Variants in TPM2 observed in about 807,000 individuals in gnomAD.
The protein encoded by TPM2 is tropomyosin beta chain.
Under a neutral mutation model 41.0 loss-of-function variants are expected in TPM2, and 26 were observed. That is an observed-to-expected ratio of 0.63 (90% confidence interval 0.46 to 0.88). The LOEUF (loss-of-function observed/expected upper bound fraction) is 0.88, where lower values mean the gene tolerates loss of function less well. Ranked by LOEUF, TPM2 falls within the 40% of genes least tolerant of loss-of-function variation. TPM2 has a pLI of 0.00. For synonymous variants in TPM2, 143 were observed against 139.3 expected (o/e 1.03, Z -0.19); for missense variants, 187 against 355.2 (o/e 0.53, Z 3.81).
At position 35,685,757 on chromosome 9, in the gene TPM2, C is replaced by G. The variant is rs1443068295; in HGVS notation, c.264G>C (p.Leu88=). The part of the protein sequence containing the change: ...ATDAEADVAS[L]NRRIQLVEEE... ...CCTCAACCAGCTGAATGCGGCGGTT[C>G]AGGGAGGCCACATCTGCCTCAGCCT... is the stretch of plus-strand genomic sequence containing the variant. Residue 88 remains leucine, a synonymous_variant, in exon 3 of 9, where the codon CTG becomes CTC. Transcript: ENST00000645482. The surrounding 1 kb of genome is among the most constrained non-coding windows in gnomAD (Gnocchi z 5.0). 5 of 1,614,096 alleles carry G rather than the reference C, an allele frequency of 3.1e-6. No individual in the cohort carries two copies. Among genetic ancestry groups the G allele is most frequent in the Middle Eastern group, 3.3e-4 (2 of 6,076 alleles).
intron 2 of TPM2, among the ~76,000 whole-genome samples, chr9:35,688,640 G>C (rs1269711319): frequency 6.6e-6 from 1 of 152,154 alleles, no homozygotes; most frequent in East Asian, 1.9e-4. Context: ...GGGGCCCCAG[G>C]GCACAGCAGG....
At chr9:35,689,637 C>G in intron 1 of TPM2, 67 bp downstream of exon 1, 1 of 1,601,850 alleles carries the variant, frequency 6.2e-7, no homozygotes, top group Non-Finnish European at 8.5e-7. Flanking sequence ...GGCTGGGGGA[C>G]CCATGGCAGC....
chr9:35,684,700 C>T (rs767028571), intron 6 of TPM2, 32 bp downstream of exon 6: 4 of 1,614,142 alleles, frequency 2.5e-6, no homozygotes, highest in South Asian at 1.1e-5. Flanking sequence ...CCTGTGGGAC[C>T]CCATCCTCAC....
rs879505630 is a variant in TPM2, at chr9:35,683,060, T to C, written c.*99A>G. The C allele has an allele frequency of 1.4e-4, 212 of 1,550,910 alleles. No individual in the cohort carries two copies. Among genetic ancestry groups the C allele is most frequent in the Non-Finnish European group, 1.7e-4 (197 of 1,146,762 alleles). On this transcript the variant is annotated 3_prime_UTR_variant, in exon 9 of 9. Transcript: ENST00000645482. ...GGCTGCTCCCAGCCTGGCTGTGCAA[T>C]GTTGGCAATTTCTGCTCCTCCTGCC...
chr9:35,689,086 C>T (rs1327684106), intron 2 of TPM2, 60 bp downstream of exon 2: 3 of 1,605,694 alleles, frequency 1.9e-6, no homozygotes, highest in South Asian at 1.1e-5. Flanking sequence ...TATTCCCATA[C>T]CCGGGGGGCC....
At chr9:35,686,680 T>A (rs1297142164) in intron 2 of TPM2, among the ~76,000 whole-genome samples, 1 of 149,216 alleles carries the variant, frequency 6.7e-6, no homozygotes, top group Non-Finnish European at 1.5e-5. Context: ...TGATGTCATC[T>A]GTCATCAGCT....
At position 35,685,125 on chromosome 9, in the gene TPM2, A is replaced by G; in HGVS notation, c.563+144T>C. 1 of 1,614,198 alleles carries G rather than the reference A, an allele frequency of 6.2e-7. No individual in the cohort carries two copies. Among genetic ancestry groups the G allele is most frequent in the Non-Finnish European group, 8.5e-7 (1 of 1,180,036 alleles). ...GTCCATGGTTCGAAGTTCCTCCTCC[A>G]GCTGTCTGGCTCGGCTGGGGGCAGC... On this transcript the variant is annotated intron_variant, in intron 5 of 8. Coordinates refer to ENST00000645482, the MANE Select transcript of TPM2 (RefSeq NM_003289.4). The surrounding 1 kb of genome is among the most constrained non-coding windows in gnomAD (Gnocchi z 5.0).
chr9:35,689,327 G>A, intron 1 of TPM2, 56 bp from the exon 2 acceptor site: 1 of 1,610,504 alleles, frequency 6.2e-7, no homozygotes. Flanking sequence ...GCCCAGAATG[G>A]AGACGCGGTG....
rs373473497 is a variant in TPM2, at chr9:35,685,232, G to A, written c.563+37C>T. On this transcript the variant is annotated intron_variant, in intron 5 of 8. Transcript: ENST00000645482. The surrounding 1 kb of genome is among the most constrained non-coding windows in gnomAD (Gnocchi z 5.0). ...TTCCCACTGTGTGGAAGGCCCCAGG[G>A]CCAATGGGCTCACTTGTCACCCCCG... 4 of 1,614,064 alleles carry A rather than the reference G, an allele frequency of 2.5e-6. No homozygotes were observed. Among genetic ancestry groups the A allele is most frequent in the Non-Finnish European group, 3.4e-6 (4 of 1,180,030 alleles).
chr9:35,689,714 C>A lies in TPM2; in HGVS notation c.104G>T (p.Arg35Leu), dbSNP rs750411907. 3.1e-6 allele frequency: 5 copies of A among 1,613,358 alleles called. No individual in the cohort carries two copies. The African/African-American group carries it at 5.3e-5, about 17-fold the overall frequency. The change falls in exon 1 of 9, where the codon CGC becomes CTC. Residue 35 changes from arginine (R) to leucine (L), a missense_variant. By Grantham distance (102) the Arg-to-Leu change is moderately radical. Transcript: ENST00000645482. ...AEADKKQAEDRCKQLEEEQQA... is the reference protein window; with the variant it reads ...AEADKKQAEDLCKQLEEEQQA... ...GGGCCCGGCCCTAACCTGCTTGCAGCGGTCCTCAGCTTGCTTCTTGTCGGC... is the reference window on the plus strand; with the variant it reads ...GGGCCCGGCCCTAACCTGCTTGCAGAGGTCCTCAGCTTGCTTCTTGTCGGC...
intron 1 of TPM2, 79 bp downstream of exon 1, chr9:35,689,625 G>C: frequency 6.3e-7 from 1 of 1,598,246 alleles, no homozygotes; most frequent in Non-Finnish European, 8.5e-7. Flanking sequence ...GGGCAGGCCC[G>C]GGGCTGGGGG....
Position 35,685,067 on chromosome 9 carries a change from C to G in TPM2, c.563+202G>C, listed in dbSNP as rs1071721. ...AAAGGTTCAGAGGGGTCACTACCTC[C>G]TCCTCTGAGGCCATCAGGGACTTGA... On this transcript the variant is annotated intron_variant, in intron 5 of 8. Transcript: ENST00000645482. This position sits in a 1 kb window ranked among gnomAD's most constrained non-coding sequence, Gnocchi z 5.0. 6.2e-7 allele frequency: 1 copy of G among 1,614,198 alleles called. No homozygotes were observed. Among genetic ancestry groups the G allele is most frequent in the Admixed American group, 1.7e-5 (1 of 60,022 alleles).
At chr9:35,684,941 C>T (rs1268996550) in intron 5 of TPM2, 134 bp from the exon 6 acceptor site, 8 of 1,610,420 alleles carry the variant, frequency 5.0e-6, no homozygotes, top group Admixed American at 1.7e-5. Flanking sequence ...AGGCAGGGCT[C>T]AGAAGCCCCA....
In TPM2 at chr9:35,685,321, T is replaced by C; in HGVS notation, c.511A>G (p.Ile171Val). ...GAGCGCTCCAGCTCTCCTTCCAGGA[T>C]CACCAGCTTCCTGGCCACCTGTGGG... Reference protein sequence around the residue: ...KYEEVARKLVILEGELERSEE... With the variant: ...KYEEVARKLVVLEGELERSEE... The change falls in exon 5 of 9, where the codon ATC becomes GTC. Residue 171 changes from isoleucine to valine, a missense_variant. Coordinates refer to ENST00000645482, the MANE Select transcript of TPM2 (RefSeq NM_003289.4). The surrounding 1 kb of genome is among the most constrained non-coding windows in gnomAD (Gnocchi z 5.0). 1.2e-6 allele frequency: 2 copies of C among 1,614,144 alleles called. No individual in the cohort carries two copies. The highest frequency in any genetic ancestry group is 8.5e-7 in the Non-Finnish European group (1 of 1,180,016).
intron 2 of TPM2, among the ~76,000 whole-genome samples, chr9:35,688,819 G>A (rs1457861513): frequency 6.6e-6 from 1 of 152,156 alleles, no homozygotes; most frequent in Non-Finnish European, 1.5e-5. Flanking sequence ...ATTTCAGCTG[G>A]AGGATTAATT....
intron 1 of TPM2, 87 bp from the exon 2 acceptor site, chr9:35,689,358 AT>A: frequency 6.3e-7 from 1 of 1,580,934 alleles, no homozygotes; most frequent in Non-Finnish European, 8.6e-7. Context: ...CGCTACTAAG[AT>A]TTGGAGGCTA....
Sources: gnomAD v4.1 joint callset for allele counts (sites outside exome capture counted in the v4.1 genomes callset) on GRCh38, gnomAD v4.1.1 for gene constraint, Gnocchi (gnomAD v3.1) non-coding constraint, MANE v1.5 for transcripts, NCBI Gene and HGNC (gene_info 2026-07-23, HGNC 2026-07-21) for gene names.